Variants in CCDC57 observed in about 807,000 individuals in gnomAD.
The protein encoded by CCDC57 is coiled-coil domain containing 57.
In CCDC57, 118 loss-of-function variants were observed where a neutral mutation model predicts 118.9. That is an observed-to-expected ratio of 0.99 (90% CI 0.86 to 1.16). The LOEUF is 1.16. CCDC57 is among the 50% of genes most tolerant of loss of function. The pLI is 0.00. For missense variants in CCDC57, 1,300 were observed against 1,320.7 expected (o/e 0.98, Z 0.24); for synonymous variants, 527 against 532.9 (o/e 0.99, Z 0.15).
At chr17:82,138,785 C>T (rs115163038) in intron 16 of CCDC57, among the ~76,000 whole-genome samples, 7,226 of 151,472 alleles carry the variant, frequency 0.048, 232 homozygotes, top group African/African-American at 0.091. Flanking sequence ...TGCACGGAGA[C>T]GTCCCGGGTG....
At chr17:82,199,818 T>C (rs777702341) in intron 3 of CCDC57, among the ~76,000 whole-genome samples, 6 of 152,070 alleles carry the variant, frequency 3.9e-5, no homozygotes, top group Non-Finnish European at 7.4e-5. Flanking sequence ...CTCAACTCTC[T>C]CTTTCCCTGG....
chr17:82,172,946 C>G lies in CCDC57; in HGVS notation c.1507-86G>C. ...AGGCTGTGCCTCCGCTCTCCCCGCG[C>G]CCCTCTCGGGCCGGTCCCCCGCTTC... On this transcript the variant is annotated intron_variant, in intron 11 of 19. Coordinates refer to ENST00000665763, the Ensembl canonical transcript of CCDC57. The surrounding 1 kb of genome is among the most constrained non-coding windows in gnomAD (Gnocchi z 5.2). 1 of 1,258,444 alleles carries G rather than the reference C, an allele frequency of 7.9e-7. No individual in the cohort carries two copies. The highest frequency in any genetic ancestry group is 1.1e-6 in the Non-Finnish European group (1 of 888,438). 78.0% of individuals were successfully genotyped at this position (1,258,444 alleles called of 1,614,324 possible). A position where few individuals can be genotyped will look rare whatever the true frequency, so the allele number is the denominator to read the frequency against.
At chr17:82,206,085 T>C (rs2049595229) in intron 2 of CCDC57, among the ~76,000 whole-genome samples, 1 of 152,032 alleles carries the variant, frequency 6.6e-6, no homozygotes, top group South Asian at 2.1e-4. Flanking sequence ...AGCTTCCGGG[T>C]TGGGGAGCGG....
At chr17:82,205,961 C>T (rs1391685347) in intron 2 of CCDC57, among the ~76,000 whole-genome samples, 2 of 152,376 alleles carry the variant, frequency 1.3e-5, no homozygotes, top group Non-Finnish European at 2.9e-5. Context: ...ATCCCCAAAG[C>T]CCCAAGGCTG....
intron 17 of CCDC57, among the ~76,000 whole-genome samples, chr17:82,130,504 T>C (rs1350344732): frequency 1.4e-5 from 2 of 142,830 alleles, no homozygotes; most frequent in Non-Finnish European, 3.0e-5. Context: ...CAAAACTTTT[T>C]TTTTTTTTTT....
rs570087362 is a variant in CCDC57, at chr17:82,118,020, AC to A, written c.2899+9671del. On this transcript the variant is annotated intron_variant, in intron 19 of 19. Transcript: ENST00000665763. This position sits in a 1 kb window ranked among gnomAD's most constrained non-coding sequence, Gnocchi z 4.7. ...GTGTCCACAAACATCAGACACCAAAACAAAGGGAGGTGAGCCGATGCGGCGG... is the reference window on the plus strand; with the variant it reads ...GTGTCCACAAACATCAGACACCAAAAAAAGGGAGGTGAGCCGATGCGGCGG... 4.5e-4 allele frequency among the ~76,000 whole-genome samples: 69 copies of A among 152,322 alleles called. No homozygotes were observed. Among genetic ancestry groups the A allele is most frequent in the South Asian group, 1.4e-3 (7 of 4,830 alleles).
intron 4 of CCDC57, among the ~76,000 whole-genome samples, chr17:82,196,749 G>T (rs552603893): frequency 2.6e-5 from 4 of 151,382 alleles, no homozygotes; most frequent in African/African-American, 9.7e-5. Flanking sequence ...CTGCAGAGAC[G>T]CAGCCCCTCA....
intron 16 of CCDC57, among the ~76,000 whole-genome samples, chr17:82,143,579 AAGATCT>A (rs2040317779): frequency 6.6e-6 from 1 of 152,186 alleles, no homozygotes; most frequent in Non-Finnish European, 1.5e-5. Flanking sequence ...CATGCCCCGT[AAGATCT>A]CCAGAAGAGA....
At chr17:82,185,662 A>G (rs1358539282) in intron 8 of CCDC57, among the ~76,000 whole-genome samples, 1 of 151,916 alleles carries the variant, frequency 6.6e-6, no homozygotes, top group Non-Finnish European at 1.5e-5. Context: ...TTAATCCTAC[A>G]GGTTTTCTCT....
intron 16 of CCDC57, among the ~76,000 whole-genome samples, chr17:82,150,972 TAGAACCAGGCACACACCC>T (rs1568274264): frequency 1.5e-4 from 1 of 6,864 alleles, no homozygotes; most frequent in Non-Finnish European, 2.7e-4. Flanking sequence ...GACCTGCACC[TAGAACCAGGCACACACCC>T]AGAACCAGGC....
chr17:82,157,794 C>T (rs1036726916), exon 15 of CCDC57: 2 of 1,605,480 alleles, frequency 1.2e-6, no homozygotes, highest in African/African-American at 2.7e-5. Flanking sequence ...CTGCTTCCTG[C>T]CTGAAGGCTC....
chr17:82,165,257 C>T (rs1002868753), intron 13 of CCDC57, among the ~76,000 whole-genome samples: 3 of 152,188 alleles, frequency 2.0e-5, no homozygotes, highest in African/African-American at 4.8e-5. Context: ...ACTGCACGGG[C>T]GGTTTAACCC....
At chr17:82,183,798 G>T in exon 9 of CCDC57, 1 of 1,577,542 alleles carries the variant, frequency 6.3e-7, no homozygotes, top group Non-Finnish European at 8.6e-7. Context: ...CTGGGATCGG[G>T]CCACCTGTGC....
exon 3 of CCDC57, chr17:82,201,641 G>C: frequency 5.6e-6 from 9 of 1,613,900 alleles, no homozygotes; most frequent in Non-Finnish European, 7.6e-6. Flanking sequence ...GCCTGCCTCA[G>C]CTTAGCTGCC....
At chr17:82,151,217 CCACACCCAGAACCTGGCA>C (rs1471731711) in intron 16 of CCDC57, among the ~76,000 whole-genome samples, 123 of 45,152 alleles carry the variant, frequency 2.7e-3, no homozygotes, top group South Asian at 5.7e-3. Context: ...AGAACCTGAC[CCACACCCAGAACCTGGCA>C]CACACCCAGA....
chr17:82,205,704 G>A (rs1412173764), intron 2 of CCDC57, among the ~76,000 whole-genome samples: 1 of 152,196 alleles, frequency 6.6e-6, no homozygotes, highest in Non-Finnish European at 1.5e-5. Flanking sequence ...CCCTCTATGT[G>A]AGATGGGTGC....
exon 13 of CCDC57, chr17:82,171,800 T>C (rs998606685): frequency 6.2e-7 from 1 of 1,613,720 alleles, no homozygotes; most frequent in Non-Finnish European, 8.5e-7. Flanking sequence ...TTTTCCAGAG[T>C]TTTAAACTTA....
chr17:82,116,490 C>A (rs1174559245), intron 19 of CCDC57, among the ~76,000 whole-genome samples: 1 of 152,132 alleles, frequency 6.6e-6, no homozygotes, highest in Non-Finnish European at 1.5e-5. Context: ...CCCACCCCCA[C>A]AGCACAGCCG....
intron 16 of CCDC57, among the ~76,000 whole-genome samples, chr17:82,148,588 G>T (rs375153589): frequency 7.8e-5 from 1 of 12,872 alleles, no homozygotes; most frequent in Non-Finnish European, 1.4e-4. Flanking sequence ...TGGGTGGGTG[G>T]ATGGTAGATG....
Sources: gnomAD v4.1 joint callset for allele counts (sites outside exome capture counted in the v4.1 genomes callset) on GRCh38, gnomAD v4.1.1 for gene constraint, Gnocchi (gnomAD v3.1) non-coding constraint, MANE v1.5 for transcripts, NCBI Gene and HGNC (gene_info 2026-07-23, HGNC 2026-07-21) for gene names.